SIMC1: variants seen among roughly 807,000 people sequenced by gnomAD.
The protein encoded by SIMC1 is SUMO-interacting motif-containing protein 1.
SIMC1 carries 55 observed loss-of-function variants against 82.3 expected under a neutral mutation model. That is an observed-to-expected ratio of 0.67 (90% CI 0.54 to 0.84). The LOEUF is 0.84. Among genes scored for constraint, SIMC1 ranks in the 40% least tolerant of loss-of-function variants. The pLI is 0.00. For synonymous variants in SIMC1, 353 were observed against 426.3 expected (o/e 0.83, Z 2.12); for missense variants, 915 against 1,107.2 (o/e 0.83, Z 2.46).
chr5:176,329,796 C>T (rs1445908742), intron 7 of SIMC1, among the ~76,000 whole-genome samples: 2 of 151,950 alleles, frequency 1.3e-5, no homozygotes, highest in East Asian at 3.9e-4. Context: ...ATACTGAGTG[C>T]CAAGTTTCTC....
At position 176,295,142 on chromosome 5, in the gene SIMC1, C is replaced by T; in HGVS notation, c.1544C>T (p.Ser515Leu). The change falls in exon 3 of 10, where the codon TCA becomes TTA. Residue 515 changes from serine to leucine, a missense_variant. Physicochemically the swap from Ser to Leu is moderately radical, Grantham distance 145 (BLOSUM62 -2). This residue lies in a region of SIMC1 where 902 missense variants were observed against 1,040.3 expected (regional missense o/e 0.87). Coordinates refer to ENST00000429602, the MANE Select transcript of SIMC1 (RefSeq NM_001308195.2). ...GTVQFLMDFV[S>L]PQHYPPREIV... ...GTGCAGTTTTTGATGGACTTTGTGTCACCCCAGCATTACCCACCAAGAGAA... is the reference window on the plus strand; with the variant it reads ...GTGCAGTTTTTGATGGACTTTGTGTTACCCCAGCATTACCCACCAAGAGAA... The T allele has an allele frequency of 6.2e-7, 1 of 1,613,536 alleles. No individual in the cohort carries two copies. The highest frequency in any genetic ancestry group is 8.5e-7 in the Non-Finnish European group (1 of 1,179,690).
At chr5:176,298,148 T>C (rs1385450744) in intron 4 of SIMC1, among the ~76,000 whole-genome samples, 1 of 152,136 alleles carries the variant, frequency 6.6e-6, no homozygotes, top group African/African-American at 2.4e-5. Flanking sequence ...ACCAAGAACA[T>C]AGTCTATCAA....
chr5:176,257,849 G>C (rs531917763), intron 1 of SIMC1, among the ~76,000 whole-genome samples: 1 of 152,238 alleles, frequency 6.6e-6, no homozygotes, highest in African/African-American at 2.4e-5. Context: ...ATGCACTGTA[G>C]GATATTTAAT....
Position 176,324,001 on chromosome 5 carries a change from A to T in SIMC1, c.2043-628A>T, listed in dbSNP as rs1188235716. Among the ~76,000 whole-genome samples the T allele has an allele frequency of 5.3e-3, 785 of 149,426 alleles. 5 individuals are homozygous for T. The highest frequency in any genetic ancestry group is 0.016 in the African/African-American group (663 of 40,808). On this transcript the variant is annotated intron_variant, in intron 6 of 9. Transcript: ENST00000429602. ...AGACTCCATCTCAAAAAAAAAAAAA[A>T]AAAAAAAAAAAAACACGTGTTAGAA...
chr5:176,241,670 A>G (rs1359423765), intron 1 of SIMC1, among the ~76,000 whole-genome samples: 1 of 151,832 alleles, frequency 6.6e-6, no homozygotes, highest in African/African-American at 2.4e-5. Context: ...CCAGTGGCCT[A>G]CTGTTGACTG....
At chr5:176,248,929 C>G (rs984091328) in intron 1 of SIMC1, among the ~76,000 whole-genome samples, 6 of 152,234 alleles carry the variant, frequency 3.9e-5, no homozygotes, top group African/African-American at 7.2e-5. Context: ...GTTGATCCAG[C>G]CTTGCATCCC....
In SIMC1 at chr5:176,274,593, T is replaced by G. The variant is rs570142744; in HGVS notation, c.130-15061T>G. ...GACGTCCTTGCCCTTGCCTATGTCC[T>G]GAATGGTAATGCCTAGGTTTTCTTC... On this transcript the variant is annotated intron_variant, in intron 1 of 9. Coordinates refer to ENST00000429602, the MANE Select transcript of SIMC1 (RefSeq NM_001308195.2). Among the ~76,000 whole-genome samples the G allele has an allele frequency of 2.6e-5, 4 of 152,072 alleles. No homozygotes were observed. In the South Asian group the frequency reaches 8.3e-4, roughly 32 times the overall value.
At chr5:176,332,572 G>T (rs936376090) in intron 7 of SIMC1, among the ~76,000 whole-genome samples, 2 of 152,256 alleles carry the variant, frequency 1.3e-5, no homozygotes, top group East Asian at 3.9e-4. Flanking sequence ...TTACAGACAT[G>T]AGCCACCGTG....
intron 1 of SIMC1, among the ~76,000 whole-genome samples, chr5:176,273,420 A>AC (rs1271517479): frequency 2.6e-5 from 4 of 151,996 alleles, no homozygotes; most frequent in Non-Finnish European, 5.9e-5. Flanking sequence ...TCACACCAAA[A>AC]CCCCATCTGT....
intron 1 of SIMC1, among the ~76,000 whole-genome samples, chr5:176,257,124 G>A (rs1351155887): frequency 6.6e-6 from 1 of 151,914 alleles, no homozygotes; most frequent in Non-Finnish European, 1.5e-5. Flanking sequence ...ATGTTTCATT[G>A]ATTTCTTTAT....
At chr5:176,255,475 A>G (rs2913300) in intron 1 of SIMC1, among the ~76,000 whole-genome samples, 6 of 151,706 alleles carry the variant, frequency 4.0e-5, no homozygotes, top group Admixed American at 1.3e-4. Flanking sequence ...CCCAGCTACT[A>G]TGGAGGCTGA....
chr5:176,272,190 AAAAAAAAAG>A (rs1338927716), intron 1 of SIMC1, among the ~76,000 whole-genome samples: 18 of 143,496 alleles, frequency 1.3e-4, no homozygotes, highest in South Asian at 8.7e-4. Context: ...AAAAAAAAAA[AAAAAAAAAG>A]GTGGGCATGG....
chr5:176,332,866 T>C (rs1765725619), intron 7 of SIMC1, among the ~76,000 whole-genome samples: 1 of 152,216 alleles, frequency 6.6e-6, no homozygotes, highest in Admixed American at 6.5e-5. Flanking sequence ...TAAGCCAAGA[T>C]ATAGAACATT....
chr5:176,320,705 C>G (rs894605455), intron 5 of SIMC1, among the ~76,000 whole-genome samples: 7 of 152,038 alleles, frequency 4.6e-5, no homozygotes, highest in African/African-American at 1.7e-4. Context: ...TCTTTCAACA[C>G]TTCAGAGAAA....
chr5:176,329,820 A>G (rs1270928097), intron 7 of SIMC1, among the ~76,000 whole-genome samples: 1 of 152,228 alleles, frequency 6.6e-6, no homozygotes, highest in Non-Finnish European at 1.5e-5. Context: ...GTCAGAGAAA[A>G]GATTTACACA....
chr5:176,305,560 G>A (rs1352839166), intron 4 of SIMC1, among the ~76,000 whole-genome samples: 600 of 138,468 alleles, frequency 4.3e-3, no homozygotes, highest in African/African-American at 0.015. Context: ...CTGGCCAGCC[G>A]CCCCGTCCGG....
chr5:176,325,369 G>C (rs1765343723), intron 7 of SIMC1, among the ~76,000 whole-genome samples: 1 of 151,848 alleles, frequency 6.6e-6, no homozygotes, highest in African/African-American at 2.4e-5. Flanking sequence ...CTGGGTGACA[G>C]AGTGAGACTC....
intron 1 of SIMC1, among the ~76,000 whole-genome samples, chr5:176,272,372 A>G (rs1045241873): frequency 2.6e-4 from 32 of 124,728 alleles, no homozygotes; most frequent in African/African-American, 8.0e-4. Flanking sequence ...TGCCTTAGCA[A>G]TTGCAATAAG....
rs747098265 is a variant in SIMC1 at position 176,290,928 on chromosome 5, G to A, written c.1404G>A (p.Thr468=). ...CGGTTCATCACCTCTTCTTTCAGACGCTAATACCGGATAAAGACACAAGAG... is the reference window on the plus strand; with the variant it reads ...CGGTTCATCACCTCTTCTTTCAGACACTAATACCGGATAAAGACACAAGAG... ...RPPVHHLFFQ[T]LIPDKDTREN... Residue 468 remains threonine (T), a synonymous_variant, in exon 2 of 10, where the codon ACG becomes ACA. Coordinates refer to ENST00000429602, the MANE Select transcript of SIMC1 (RefSeq NM_001308195.2). The A allele has an allele frequency of 1.0e-5, 16 of 1,601,862 alleles. No individual in the cohort carries two copies. Among genetic ancestry groups the A allele is most frequent in the East Asian group, 4.5e-5 (2 of 44,756 alleles).
Sources: allele counts gnomAD v4.1 joint callset (sites outside exome capture counted in the v4.1 genomes callset), GRCh38; gene constraint gnomAD v4.1.1; regional missense constraint gnomAD v4.1.1; transcripts MANE v1.5; gene names NCBI Gene and HGNC (gene_info 2026-07-23, HGNC 2026-07-21).